Variants in FXR1 observed in about 807,000 individuals in gnomAD.
FXR1 encodes the protein FMR1 autosomal homolog 1.
Under a neutral mutation model 84.0 loss-of-function variants are expected in FXR1, and 15 were observed. That is an observed-to-expected ratio of 0.18 (90% CI 0.12 to 0.27). The LOEUF is 0.27. FXR1 is among the 10% of genes least tolerant of loss of function. The pLI is 1.00. For missense variants in FXR1, 480 were observed against 774.4 expected, an observed-to-expected ratio of 0.62 and a Z score of 4.51; for synonymous variants, 245 against 250.7, an observed-to-expected ratio of 0.98 and a Z score of 0.21.
At chr3:180,915,208 G>C (rs951561627) in intron 1 of FXR1, among the ~76,000 whole-genome samples, 5 of 152,094 alleles carry the variant, frequency 3.3e-5, no homozygotes, top group African/African-American at 1.2e-4. Context: ...AGTAAAATAA[G>C]CCTTTTTTGG....
intron 1 of FXR1, among the ~76,000 whole-genome samples, chr3:180,923,071 G>C (rs890061972): frequency 2.0e-5 from 3 of 152,082 alleles, no homozygotes; most frequent in Non-Finnish European, 4.4e-5. Flanking sequence ...GGTTACTTTG[G>C]AGTTTTATTT....
chr3:180,919,384 A>C (rs1486462672), intron 1 of FXR1, among the ~76,000 whole-genome samples: 1 of 146,392 alleles, frequency 6.8e-6, no homozygotes, highest in South Asian at 2.1e-4. Flanking sequence ...TCCTGGGTTC[A>C]CGTGATTCTC....
At chr3:180,933,876 C>T (rs1437520735) in intron 2 of FXR1, among the ~76,000 whole-genome samples, 1 of 151,956 alleles carries the variant, frequency 6.6e-6, no homozygotes, top group Non-Finnish European at 1.5e-5. Context: ...TTTGGGAGGC[C>T]GAGGCGGGCA....
intron 15 of FXR1, among the ~76,000 whole-genome samples, chr3:180,972,720 A>C (rs1462415822): frequency 6.6e-6 from 1 of 152,210 alleles, no homozygotes; most frequent in Non-Finnish European, 1.5e-5. Context: ...AGGCTTCAAC[A>C]GTTTGACAAT....
At chr3:180,973,245 C>T (rs1320101709) in intron 15 of FXR1, among the ~76,000 whole-genome samples, 8 of 152,128 alleles carry the variant, frequency 5.3e-5, no homozygotes, top group Admixed American at 2.6e-4. Context: ...ATTTAGGTAG[C>T]GGATACCCCA....
chr3:180,916,873 T>C (rs1410468287), intron 1 of FXR1, among the ~76,000 whole-genome samples: 2 of 151,894 alleles, frequency 1.3e-5, no homozygotes, highest in African/African-American at 4.8e-5. Flanking sequence ...TCTTGCTCTG[T>C]CACCAGGCTG....
intron 9 of FXR1, 172 bp from the exon 10 acceptor site, chr3:180,957,647 A>G: frequency 2.0e-6 from 1 of 493,670 alleles, no homozygotes; most frequent in Non-Finnish European, 3.7e-6. Flanking sequence ...GTTTCAGACC[A>G]AGGGTGAAAT....
chr3:180,967,812 T>G (rs1027359015), intron 13 of FXR1, among the ~76,000 whole-genome samples: 37 of 152,202 alleles, frequency 2.4e-4, no homozygotes, highest in African/African-American at 8.7e-4. Context: ...AGCGGCCTTC[T>G]GCACATCAGT....
chr3:180,918,949 A>G (rs1269791937), intron 1 of FXR1, among the ~76,000 whole-genome samples: 1 of 152,226 alleles, frequency 6.6e-6, no homozygotes, highest in Non-Finnish European at 1.5e-5. Context: ...TTCAAGATTC[A>G]GACTCTAAAG....
intron 1 of FXR1, among the ~76,000 whole-genome samples, chr3:180,927,127 C>T (rs1305743139): frequency 6.6e-6 from 1 of 151,932 alleles, no homozygotes; most frequent in African/African-American, 2.4e-5. Flanking sequence ...ATGATAGGTG[C>T]CTTATTTCCT....
chr3:180,915,793 A>C (rs567582419), intron 1 of FXR1, among the ~76,000 whole-genome samples: 24 of 152,392 alleles, frequency 1.6e-4, no homozygotes, highest in Non-Finnish European at 2.6e-4. Context: ...AGTAGAACTG[A>C]AACTTCATTT....
chr3:180,960,006 A>T (rs1298910856), intron 10 of FXR1, among the ~76,000 whole-genome samples: 1 of 152,208 alleles, frequency 6.6e-6, no homozygotes, highest in African/African-American at 2.4e-5. Context: ...CCATTCTGTA[A>T]AATGAAGAAA....
chr3:180,936,851 G>A (rs1720579084), intron 3 of FXR1, among the ~76,000 whole-genome samples: 1 of 152,162 alleles, frequency 6.6e-6, no homozygotes, highest in South Asian at 2.1e-4. Context: ...TTAAATGGCA[G>A]TAAGTTAAGA....
At position 180,968,154 on chromosome 3, in the gene FXR1, T is replaced by C; in HGVS notation, c.1302T>C (p.His434=). Reference sequence around the variant, plus strand: ...GAGAAGATGATCGAGACAGCCGACATCAGCGTGACAGCAGGAGACGCCCAG... The same window carrying C: ...GAGAAGATGATCGAGACAGCCGACACCAGCGTGACAGCAGGAGACGCCCAG... ...LAGEDDRDSR[H]QRDSRRRPGG... Residue 434 remains histidine (H), a synonymous_variant, in exon 14 of 17, where the codon CAT becomes CAC. Transcript: ENST00000357559. The C allele has an allele frequency of 6.2e-7, 1 of 1,613,560 alleles. No homozygotes were observed. Among genetic ancestry groups the C allele is most frequent in the Non-Finnish European group, 8.5e-7 (1 of 1,179,506 alleles).
At chr3:180,917,891 G>C (rs530774988) in intron 1 of FXR1, among the ~76,000 whole-genome samples, 1 of 145,214 alleles carries the variant, frequency 6.9e-6, no homozygotes, top group Admixed American at 7.1e-5. Context: ...AGGTTGCAGT[G>C]AGCCGAGATC....
chr3:180,970,397 TATATATATATATATATATATATATAA>T lies in FXR1; in HGVS notation c.1603+40_1603+65del, dbSNP rs753488699. ...TAGGGAAGAGAAATATATATATATATATATATATATATATATATATATATAATTGTAAACTATTGTTAGTATATGAA... is the reference window on the plus strand; with the variant it reads ...TAGGGAAGAGAAATATATATATATATTTGTAAACTATTGTTAGTATATGAA... On this transcript the variant is annotated intron_variant, in intron 15 of 16. Coordinates refer to ENST00000357559, the MANE Select transcript of FXR1 (RefSeq NM_005087.4). The T allele has an allele frequency of 3.6e-5, 10 of 277,866 alleles. 2 individuals are homozygous for T. Among genetic ancestry groups the T allele is most frequent in the Non-Finnish European group, 5.9e-5 (9 of 152,166 alleles). 17.2% of individuals were successfully genotyped at this position (277,866 alleles called of 1,614,324 possible).
chr3:180,933,256 T>C, intron 1 of FXR1, 78 bp from the exon 2 acceptor site: 1 of 825,230 alleles, frequency 1.2e-6, no homozygotes, highest in Non-Finnish European at 2.1e-6. Context: ...CTCCCTATTA[T>C]CTTTGAACTA....
At chr3:180,938,220 G>A (rs975195216) in intron 3 of FXR1, among the ~76,000 whole-genome samples, 1 of 152,160 alleles carries the variant, frequency 6.6e-6, no homozygotes, top group Non-Finnish European at 1.5e-5. Context: ...TAATTCCTAA[G>A]AGGTTAATGT....
intron 13 of FXR1, among the ~76,000 whole-genome samples, chr3:180,963,918 C>G (rs1214650253): frequency 6.6e-6 from 1 of 152,208 alleles, no homozygotes; most frequent in African/African-American, 2.4e-5. Context: ...TTTCTTCACT[C>G]CTATACTTAC....
Sources: allele counts gnomAD v4.1 joint callset (sites outside exome capture counted in the v4.1 genomes callset), GRCh38; gene constraint gnomAD v4.1.1; transcripts MANE v1.5; gene names NCBI Gene and HGNC (gene_info 2026-07-23, HGNC 2026-07-21).